Variants in HDAC9 observed in about 807,000 individuals in gnomAD.
HDAC9 encodes the protein histone deacetylase 9, also known as MEF-2 interacting transcription repressor (MITR) protein.
A neutral mutation model predicts 139.4 loss-of-function variants in HDAC9; 41 were observed. The ratio of observed to expected loss-of-function variants is 0.29; its 90% CI spans 0.23 to 0.38. HDAC9 has a LOEUF of 0.38. Ranked by LOEUF, HDAC9 falls within the 10% of genes least tolerant of loss-of-function variation. The pLI is 1.00. For synonymous variants in HDAC9, 517 were observed against 476.2 expected, an observed-to-expected ratio of 1.09 and a Z score of -1.12; for missense variants, 1,147 against 1,297.0, an observed-to-expected ratio of 0.88 and a Z score of 1.78.
chr7:18,763,251 T>C (rs1316691928), intron 15 of HDAC9, among the ~76,000 whole-genome samples: 1 of 152,170 alleles, frequency 6.6e-6, no homozygotes, highest in Non-Finnish European at 1.5e-5. Context: ...AAAGCAATTG[T>C]AAGGAAGAAT....
Position 18,563,255 on chromosome 7 carries a change from C to T in HDAC9, c.23-22026C>T, listed in dbSNP as rs1055750741. Among the ~76,000 whole-genome samples the T allele has an allele frequency of 5.9e-5, 9 of 152,088 alleles. No individual in the cohort carries two copies. The East Asian group carries it at 9.6e-4, about 16-fold the overall frequency. On this transcript the variant is annotated intron_variant, in intron 2 of 25. Coordinates refer to ENST00000686413, the MANE Select transcript of HDAC9 (RefSeq NM_178425.4). ...TCAGTATATCAGTGATTTTTAAAAACGGATTTCTACTTGTTTTATACAATT... is the reference window on the plus strand; with the variant it reads ...TCAGTATATCAGTGATTTTTAAAAATGGATTTCTACTTGTTTTATACAATT...
chr7:18,433,633 T>C (rs556981671), intron 1 of HDAC9, among the ~76,000 whole-genome samples: 20 of 152,162 alleles, frequency 1.3e-4, no homozygotes, highest in African/African-American at 4.8e-4. Context: ...ACATCCAAGC[T>C]GAGAACCAAA....
intron 1 of HDAC9, among the ~76,000 whole-genome samples, chr7:18,405,307 A>G (rs1363264753): frequency 2.6e-5 from 4 of 152,214 alleles, no homozygotes; most frequent in Non-Finnish European, 5.9e-5. Context: ...CTAAACATGC[A>G]CAAATATAAC....
chr7:18,656,892 C>G (rs900873207), intron 11 of HDAC9, among the ~76,000 whole-genome samples: 2 of 152,134 alleles, frequency 1.3e-5, no homozygotes, highest in Non-Finnish European at 2.9e-5. Flanking sequence ...TACTAATTTA[C>G]ATTCCCACCA....
chr7:18,249,810 G>T (rs758089), intron 2 of HDAC9, among the ~76,000 whole-genome samples: 108,220 of 151,984 alleles, frequency 0.71, 38,897 homozygotes, highest in South Asian at 0.85. Context: ...TCCTTTTAAT[G>T]AATAGGTTAT....
intron 22 of HDAC9, among the ~76,000 whole-genome samples, chr7:18,907,466 A>G (rs147685896): frequency 1.0e-3 from 158 of 152,378 alleles, no homozygotes; most frequent in Middle Eastern, 0.01. Flanking sequence ...TCAAGATTAT[A>G]TCACCTAGCT....
chr7:18,605,415 A>G (rs923489627), intron 6 of HDAC9, among the ~76,000 whole-genome samples: 2 of 152,206 alleles, frequency 1.3e-5, no homozygotes, highest in African/African-American at 2.4e-5. Context: ...CTTAGGTCAG[A>G]TAAGGCTCTG....
At chr7:18,432,207 T>C (rs1358619723) in intron 1 of HDAC9, among the ~76,000 whole-genome samples, 2 of 152,228 alleles carry the variant, frequency 1.3e-5, no homozygotes, top group Non-Finnish European at 2.9e-5. Flanking sequence ...ATTAAGTACC[T>C]ACTACGCTCC....
At chr7:18,617,815 A>G (rs1839074786) in intron 6 of HDAC9, among the ~76,000 whole-genome samples, 2 of 152,216 alleles carry the variant, frequency 1.3e-5, no homozygotes, top group South Asian at 4.1e-4. Flanking sequence ...GCACTAAAAT[A>G]GGAACTAATA....
intron 11 of HDAC9, among the ~76,000 whole-genome samples, chr7:18,664,262 G>A (rs571718818): frequency 1.3e-5 from 2 of 151,976 alleles, no homozygotes; most frequent in East Asian, 1.9e-4. Flanking sequence ...TCCTTCTCCC[G>A]ACTGCCCAGT....
chr7:18,789,286 G>GCGCGCACA (rs146066951), intron 16 of HDAC9, among the ~76,000 whole-genome samples: 4,010 of 148,442 alleles, frequency 0.027, 74 homozygotes, highest in African/African-American at 0.057. Flanking sequence ...ACACATACAC[G>GCGCGCACA]CACACACACA....
At chr7:18,216,955 T>A (rs185540130) in intron 2 of HDAC9, among the ~76,000 whole-genome samples, 29 of 152,228 alleles carry the variant, frequency 1.9e-4, no homozygotes, top group East Asian at 1.2e-3. Flanking sequence ...GACTTTTTTT[T>A]AAAACCGTAT....
chr7:18,840,624 A>G (rs1164654413), intron 21 of HDAC9, among the ~76,000 whole-genome samples: 1 of 152,108 alleles, frequency 6.6e-6, no homozygotes, highest in African/African-American at 2.4e-5. Context: ...TGGACATATC[A>G]TTAACTGGAA....
chr7:18,922,993 G>C (rs1286729128), intron 22 of HDAC9, among the ~76,000 whole-genome samples: 1 of 151,988 alleles, frequency 6.6e-6, no homozygotes, highest in Non-Finnish European at 1.5e-5. Flanking sequence ...AAATTATTAG[G>C]ATGAGTTACA....
intron 2 of HDAC9, among the ~76,000 whole-genome samples, chr7:18,245,915 T>A (rs973956433): frequency 6.6e-6 from 1 of 151,820 alleles, no homozygotes; most frequent in African/African-American, 2.4e-5. Context: ...AGAAGTTAGT[T>A]ACCATGACTG....
intron 22 of HDAC9, among the ~76,000 whole-genome samples, chr7:18,925,598 A>G (rs1212290399): frequency 6.6e-6 from 1 of 152,046 alleles, no homozygotes; most frequent in Non-Finnish European, 1.5e-5. Flanking sequence ...GTGTAAAACT[A>G]AATCAATGAA....
chr7:18,553,029 T>C (rs1817643252), intron 2 of HDAC9, among the ~76,000 whole-genome samples: 1 of 152,212 alleles, frequency 6.6e-6, no homozygotes, highest in South Asian at 2.1e-4. Context: ...TATCTTCTAC[T>C]TTTGAACTAG....
chr7:18,320,782 T>C (rs1305681107), intron 1 of HDAC9, among the ~76,000 whole-genome samples: 1 of 152,136 alleles, frequency 6.6e-6, no homozygotes, highest in Non-Finnish European at 1.5e-5. Flanking sequence ...GTTGTCACAA[T>C]AGTGTTGTGG....
chr7:18,997,838 C>T lies in HDAC9; in HGVS notation c.*1776C>T, dbSNP rs1585530494. 6.6e-6 allele frequency: 1 copy of T among 152,110 alleles called. No individual in the cohort carries two copies. The highest frequency in any genetic ancestry group is 1.5e-5 in the Non-Finnish European group (1 of 67,956). 9.4% of individuals were successfully genotyped at this position (152,110 alleles called of 1,614,324 possible). A position where few individuals can be genotyped will look rare whatever the true frequency, so the allele number is the denominator to read the frequency against. ...ATTTTAAAGACTTTTATTACATATACAAAAATGGCTCAATACTTGGTTTAA... is the reference window on the plus strand; with the variant it reads ...ATTTTAAAGACTTTTATTACATATATAAAAATGGCTCAATACTTGGTTTAA... On this transcript the variant is annotated 3_prime_UTR_variant, in exon 26 of 26. Transcript: ENST00000686413.
Sources: allele counts gnomAD v4.1 joint callset (sites outside exome capture counted in the v4.1 genomes callset), GRCh38; gene constraint gnomAD v4.1.1; transcripts MANE v1.5; gene names NCBI Gene and HGNC (gene_info 2026-07-23, HGNC 2026-07-21).